The following EXOC1L variants were observed in gnomAD, a reference collection of about 807,000 sequenced individuals.
EXOC1L encodes the protein exocyst complex component 1 like.
Under a neutral mutation model 4.9 loss-of-function variants are expected in EXOC1L, and 10 were observed. The observed-to-expected ratio is 2.02, with a 90% CI of 1.25 to 3.43. The LOEUF (loss-of-function observed/expected upper bound fraction) is 3.43, where lower values mean the gene tolerates loss of function less well. Among genes scored for constraint, EXOC1L ranks in the 30% most tolerant of loss-of-function variants. EXOC1L has a pLI of 0.00. For synonymous variants in EXOC1L, 41 were observed against 20.8 expected (o/e 1.97, Z -2.63); for missense variants, 114 against 59.4 (o/e 1.92, Z -3.02).
intron 2 of EXOC1L, among the ~76,000 whole-genome samples, chr4:55,835,520 TATTTTTTG>T (rs1340166857): frequency 1.2e-4 from 19 of 152,038 alleles, no homozygotes; most frequent in Non-Finnish European, 2.2e-4. Flanking sequence ...CAACATCTAC[TATTTTTTG>T]ATTTTTTGAT....
At chr4:55,832,726 G>A (rs184935486) in intron 2 of EXOC1L, among the ~76,000 whole-genome samples, 1 of 151,994 alleles carries the variant, frequency 6.6e-6, no homozygotes, top group Non-Finnish European at 1.5e-5. Context: ...CTTGCCCAAG[G>A]TGACATAGCT....
At chr4:55,825,595 G>A (rs746589354) in intron 1 of EXOC1L, among the ~76,000 whole-genome samples, 24 of 152,048 alleles carry the variant, frequency 1.6e-4, no homozygotes, top group Non-Finnish European at 3.4e-4. Context: ...CTCATTGGAT[G>A]TCCCTTCTCT....
chr4:55,822,130 G>A (rs982007257), intron 1 of EXOC1L, among the ~76,000 whole-genome samples: 5 of 152,078 alleles, frequency 3.3e-5, no homozygotes, highest in Admixed American at 6.6e-5. Flanking sequence ...TGAGACTTGC[G>A]AGTCCAGTGT....
At chr4:55,824,331 A>G (rs1472246412) in intron 1 of EXOC1L, among the ~76,000 whole-genome samples, 2 of 151,586 alleles carry the variant, frequency 1.3e-5, no homozygotes, top group Non-Finnish European at 2.9e-5. Context: ...GAATATCACT[A>G]AATGTCTCTA....
At position 55,837,299 on chromosome 4, in the gene EXOC1L, G is replaced by A. The variant is rs964490592; in HGVS notation, c.467G>A (p.Cys156Tyr). ...NKDCLVLMRICFYAFNLVCLS... is the reference protein window; with the variant it reads ...NKDCLVLMRIYFYAFNLVCLS... ...GATTGTTTGGTCCTTATGAGAATAT[G>A]CTTTTACGCTTTCAATCTTGTGTGC... The change falls in exon 3 of 3, where the codon TGC (cysteine) becomes TAC (tyrosine). Residue 156 changes from cysteine to tyrosine, a missense_variant. Coordinates refer to ENST00000636125, the MANE Select transcript of EXOC1L (RefSeq NM_001351574.3). 1.2e-5 allele frequency: 8 copies of A among 673,220 alleles called. No individual in the cohort carries two copies. Among genetic ancestry groups the A allele is most frequent in the Non-Finnish European group, 1.9e-5 (7 of 368,240 alleles). The allele number at this position is 673,220 out of a possible 1,614,324, so 41.7% of individuals were successfully genotyped here.
chr4:55,832,994 A>G (rs897318916), intron 2 of EXOC1L, among the ~76,000 whole-genome samples: 9 of 151,958 alleles, frequency 5.9e-5, no homozygotes, highest in African/African-American at 1.2e-4. Flanking sequence ...ACTATCTGCT[A>G]TTACCTGGAT....
chr4:55,835,340 A>G (rs964199416), intron 2 of EXOC1L, among the ~76,000 whole-genome samples: 1 of 152,048 alleles, frequency 6.6e-6, no homozygotes, highest in East Asian at 1.9e-4. Context: ...TCTTTTTAAT[A>G]TAACGACTTC....
intron 1 of EXOC1L, among the ~76,000 whole-genome samples, chr4:55,823,420 G>C (rs988428241): frequency 6.6e-6 from 1 of 152,132 alleles, no homozygotes; most frequent in Non-Finnish European, 1.5e-5. Context: ...TGTCATTTCA[G>C]GAGATGATAG....
At chr4:55,831,588 T>A (rs1194214278) in intron 2 of EXOC1L, 124 bp downstream of exon 2, 1 of 468,736 alleles carries the variant, frequency 2.1e-6, no homozygotes, top group Non-Finnish European at 3.7e-6. Flanking sequence ...TGTTCGTAAG[T>A]GGCATAGTTT....
At chr4:55,829,788 A>T (rs529581253) in intron 1 of EXOC1L, among the ~76,000 whole-genome samples, 2 of 152,210 alleles carry the variant, frequency 1.3e-5, no homozygotes, top group African/African-American at 2.4e-5. Context: ...AGCCCTTACT[A>T]TAGTAGGTCA....
intron 1 of EXOC1L, among the ~76,000 whole-genome samples, chr4:55,829,927 CAT>C (rs1719981557): frequency 6.6e-6 from 1 of 152,198 alleles, no homozygotes; most frequent in Non-Finnish European, 1.5e-5. Context: ...CTACTGCCCA[CAT>C]GTCTTAACAT....
At chr4:55,832,642 C>T (rs998233285) in intron 2 of EXOC1L, among the ~76,000 whole-genome samples, 4 of 151,980 alleles carry the variant, frequency 2.6e-5, no homozygotes, top group African/African-American at 9.7e-5. Flanking sequence ...TTTACATAAT[C>T]ACCATAAAAC....
chr4:55,822,224 CT>C (rs886094519), intron 1 of EXOC1L, among the ~76,000 whole-genome samples: 3 of 152,150 alleles, frequency 2.0e-5, no homozygotes, highest in African/African-American at 7.2e-5. Flanking sequence ...ACCAGAGTCT[CT>C]CTTTTGCAGG....
At chr4:55,832,185 TG>T (rs1460812083) in intron 2 of EXOC1L, among the ~76,000 whole-genome samples, 3 of 152,032 alleles carry the variant, frequency 2.0e-5, no homozygotes, top group African/African-American at 7.2e-5. Flanking sequence ...CTGCAATTGT[TG>T]GGTTACTCTG....
intron 1 of EXOC1L, among the ~76,000 whole-genome samples, chr4:55,824,147 C>G (rs1719814184): frequency 6.6e-6 from 1 of 151,650 alleles, no homozygotes; most frequent in South Asian, 2.1e-4. Context: ...GGGAACAGAC[C>G]TTGAATATTA....
At chr4:55,824,413 A>G (rs1411388467) in intron 1 of EXOC1L, among the ~76,000 whole-genome samples, 1 of 151,906 alleles carries the variant, frequency 6.6e-6, no homozygotes, top group African/African-American at 2.4e-5. Flanking sequence ...CCCAGGCTGG[A>G]GTGCAGTGGC....
intron 2 of EXOC1L, among the ~76,000 whole-genome samples, chr4:55,836,855 T>A (rs1398770158): frequency 1.3e-5 from 2 of 152,014 alleles, no homozygotes; most frequent in African/African-American, 4.8e-5. Context: ...ATTTTATTTG[T>A]CTAATTGAAA....
chr4:55,828,569 C>T (rs1719941815), intron 1 of EXOC1L, among the ~76,000 whole-genome samples: 1 of 152,152 alleles, frequency 6.6e-6, no homozygotes, highest in South Asian at 2.1e-4. Flanking sequence ...TGGTGACTCT[C>T]ACCTATAATC....
intron 1 of EXOC1L, 117 bp downstream of exon 1, chr4:55,820,264 T>C: frequency 7.7e-6 from 3 of 390,486 alleles, no homozygotes. Flanking sequence ...TACCTTCTTC[T>C]GATAAGAACT....
Sources: allele counts gnomAD v4.1 joint callset (sites outside exome capture counted in the v4.1 genomes callset), GRCh38; gene constraint gnomAD v4.1.1; transcripts MANE v1.5; gene names NCBI Gene and HGNC (gene_info 2026-07-23, HGNC 2026-07-21).